The following DPYSL4 variants were observed in gnomAD, a reference collection of about 807,000 sequenced individuals.
DPYSL4 encodes dihydropyrimidinase like 4.
In DPYSL4, 43 loss-of-function variants were observed where a neutral mutation model predicts 63.4. That is an observed-to-expected ratio of 0.68 (90% CI 0.53 to 0.88). The LOEUF (loss-of-function observed/expected upper bound fraction) is 0.88. Ranked by LOEUF, DPYSL4 falls within the 40% of genes least tolerant of loss-of-function variation. DPYSL4 has a pLI of 0.00. For synonymous variants in DPYSL4, 353 were observed against 331.7 expected (o/e 1.06, Z -0.70); for missense variants, 733 against 819.5 (o/e 0.89, Z 1.29).
intron 3 of DPYSL4, 25 bp downstream of exon 3, chr10:132,192,867 ACAGGGGG>A: frequency 6.4e-7 from 1 of 1,574,394 alleles, no homozygotes; most frequent in Non-Finnish European, 8.6e-7. Flanking sequence ...CTCCTCCTCT[ACAGGGGG>A]CAGCCAGCGT....
At chr10:132,199,067 C>T (rs962986487) in intron 8 of DPYSL4, 96 bp downstream of exon 8, 7 of 1,481,278 alleles carry the variant, frequency 4.7e-6, no homozygotes, top group East Asian at 2.4e-5. Context: ...GTCCCTGCAT[C>T]GGGGCGGGGC....
rs570051343 is a variant in DPYSL4, at chr10:132,204,410, G to A, written c.1628-429G>A. 4.7e-3 allele frequency among the ~76,000 whole-genome samples: 718 copies of A among 152,278 alleles called. 3 individuals are homozygous for A. Among genetic ancestry groups the A allele is most frequent in the African/African-American group, 0.016 (668 of 41,546 alleles). ...GGGTCCGGCCTCTGGCGTCGCTTCT[G>A]GTGCATTCTCCGGACCCAGGAAGGT... On this transcript the variant is annotated intron_variant, in intron 13 of 13. Coordinates refer to ENST00000338492, the MANE Select transcript of DPYSL4 (RefSeq NM_006426.3).
rs141190261 is a variant in DPYSL4 at position 132,202,753 on chromosome 10, G to A, written c.1389G>A (p.Pro463=). 75 of 1,612,860 alleles carry A rather than the reference G, an allele frequency of 4.7e-5. No individual in the cohort carries two copies. The highest frequency in any genetic ancestry group is 8.9e-5 in the East Asian group (4 of 44,894). The change falls in exon 12 of 14, where the codon CCG becomes CCA. Residue 463 remains proline, a synonymous_variant. Coordinates refer to ENST00000338492, the MANE Select transcript of DPYSL4 (RefSeq NM_006426.3). ...AGGACGGGAAGATGTTTGTCACCCC[G>A]GGGGCGGGCCGCTTCGTCCCTCGGA... is the stretch of plus-strand genomic sequence containing the variant. The part of the protein sequence containing the change: ...ALEDGKMFVT[P]GAGRFVPRKT...
chr10:132,187,029 T>G lies in DPYSL4; in HGVS notation c.-35T>G. The G allele has an allele frequency of 2.0e-5, 3 of 149,288 alleles. No individual in the cohort carries two copies. Among genetic ancestry groups the G allele is most frequent in the East Asian group, 3.2e-4 (1 of 3,080 alleles). The allele number at this position is 149,288 out of a possible 1,614,324, so 9.2% of individuals were successfully genotyped here. ...CGCCCGCCCGCCCGCCCGCCCCCGC[T>G]TGTGCCGCCCCTACCAGAGACCCCC... On this transcript the variant is annotated 5_prime_UTR_variant, in exon 1 of 14. Coordinates refer to ENST00000338492, the MANE Select transcript of DPYSL4 (RefSeq NM_006426.3).
At chr10:132,187,513 C>A (rs1219060826) in intron 1 of DPYSL4, among the ~76,000 whole-genome samples, 1 of 152,002 alleles carries the variant, frequency 6.6e-6, no homozygotes, top group Non-Finnish European at 1.5e-5. Context: ...CGGGCGGACG[C>A]GGCCCTTTGT....
intron 1 of DPYSL4, among the ~76,000 whole-genome samples, chr10:132,189,175 G>A (rs562808213): frequency 1.6e-4 from 24 of 152,364 alleles, no homozygotes; most frequent in Admixed American, 2.6e-4. Flanking sequence ...GCAGGCGGCC[G>A]GACCTCCCTG....
At chr10:132,189,310 T>C (rs2137497951) in intron 1 of DPYSL4, among the ~76,000 whole-genome samples, 1 of 151,146 alleles carries the variant, frequency 6.6e-6, no homozygotes, top group African/African-American at 2.4e-5. Context: ...CTCCTTTCAC[T>C]CCTTTTTTGT....
chr10:132,195,582 A>G (rs546943086), intron 4 of DPYSL4, among the ~76,000 whole-genome samples: 1 of 152,272 alleles, frequency 6.6e-6, no homozygotes, highest in African/African-American at 2.4e-5. Flanking sequence ...GAGCCTGTCA[A>G]GGCCCTGGCA....
At chr10:132,191,523 C>T (rs1338494970) in intron 2 of DPYSL4, among the ~76,000 whole-genome samples, 2 of 80,916 alleles carry the variant, frequency 2.5e-5, no homozygotes, top group African/African-American at 9.0e-5. Flanking sequence ...AACATAGTTC[C>T]CAGCTCGTGT....
chr10:132,200,914 C>T lies in DPYSL4; in HGVS notation c.1041C>T (p.Asn347=). Residue 347 remains asparagine, a synonymous_variant, in exon 10 of 14, where the codon AAC becomes AAT. Transcript: ENST00000338492. The part of the protein sequence containing the change: ...TTAQKAVGKD[N]FALIPEGTNG... ...CCCAGAAGGCTGTGGGCAAGGACAA[C>T]TTCGCGCTGATCCCCGAGGGCACCA... 6.2e-7 allele frequency: 1 copy of T among 1,613,310 alleles called. No individual in the cohort carries two copies. Among genetic ancestry groups the T allele is most frequent in the Non-Finnish European group, 8.5e-7 (1 of 1,179,986 alleles).
chr10:132,202,247 C>T (rs2062028245), intron 11 of DPYSL4, 131 bp downstream of exon 11: 2 of 1,206,146 alleles, frequency 1.7e-6, no homozygotes, highest in Non-Finnish European at 1.1e-6. Flanking sequence ...CAGGGCCGTC[C>T]ACACAGCCTG....
chr10:132,204,445 GC>G (rs2062066473), intron 13 of DPYSL4, among the ~76,000 whole-genome samples: 1 of 152,168 alleles, frequency 6.6e-6, no homozygotes, highest in Non-Finnish European at 1.5e-5. Flanking sequence ...TGATAGCAAA[GC>G]CCTGCTCACC....
intron 1 of DPYSL4, among the ~76,000 whole-genome samples, chr10:132,187,471 C>T (rs889934953): frequency 4.6e-5 from 7 of 152,144 alleles, no homozygotes; most frequent in Non-Finnish European, 1.0e-4. Flanking sequence ...GCGCTAGCGG[C>T]TCCTTTCTCC....
rs2137491124 is a variant in DPYSL4, at chr10:132,187,029, T to C, written c.-35T>C. 5 of 149,286 alleles carry C rather than the reference T, an allele frequency of 3.3e-5. No individual in the cohort carries two copies. In the South Asian group the frequency reaches 5.0e-4, roughly 15 times the overall value. 9.2% of individuals were successfully genotyped at this position (149,286 alleles called of 1,614,324 possible). ...CGCCCGCCCGCCCGCCCGCCCCCGCTTGTGCCGCCCCTACCAGAGACCCCC... is the reference window on the plus strand; with the variant it reads ...CGCCCGCCCGCCCGCCCGCCCCCGCCTGTGCCGCCCCTACCAGAGACCCCC... On this transcript the variant is annotated 5_prime_UTR_variant, in exon 1 of 14. Transcript: ENST00000338492.
chr10:132,194,086 T>C (rs893829649), intron 3 of DPYSL4, among the ~76,000 whole-genome samples: 9 of 146,580 alleles, frequency 6.1e-5, no homozygotes, highest in African/African-American at 2.3e-4. Context: ...GACACGAGGC[T>C]GGCCTCTATC....
Position 132,200,298 on chromosome 10 carries a change from G to A in DPYSL4, c.812-58G>A, listed in dbSNP as rs527463770. 79 of 1,598,518 alleles carry A rather than the reference G, an allele frequency of 4.9e-5. No homozygotes were observed. In the Admixed American group the frequency reaches 5.2e-4, roughly 11 times the overall value. ...GTGGGTGTCAGCAGCAGCAGTTCTC[G>A]GGGCCCCAGGGGGTGCAGGTGGTCG... On this transcript the variant is annotated intron_variant, in intron 8 of 13. Transcript: ENST00000338492.
intron 2 of DPYSL4, chr10:132,192,450 A>T: frequency 7.8e-7 from 1 of 1,274,468 alleles, no homozygotes; most frequent in East Asian, 3.3e-5. Flanking sequence ...GTGAGGCTGG[A>T]CCCTGCAGTG....
chr10:132,196,406 T>A (rs192886333), intron 4 of DPYSL4, among the ~76,000 whole-genome samples: 96 of 151,794 alleles, frequency 6.3e-4, no homozygotes, highest in African/African-American at 2.2e-3. Context: ...GCATGGCAAG[T>A]GGGGCTCCAA....
chr10:132,188,848 A>G (rs1271875344), intron 1 of DPYSL4, among the ~76,000 whole-genome samples: 3 of 152,250 alleles, frequency 2.0e-5, no homozygotes, highest in Non-Finnish European at 4.4e-5. Context: ...TGAATATACA[A>G]GAACGATTCT....
Sources: allele counts gnomAD v4.1 joint callset (sites outside exome capture counted in the v4.1 genomes callset), GRCh38; gene constraint gnomAD v4.1.1; transcripts MANE v1.5; gene names NCBI Gene and HGNC (gene_info 2026-07-23, HGNC 2026-07-21).